The following CDK11B variants were observed in gnomAD, a reference collection of about 807,000 sequenced individuals.
CDK11B encodes cyclin dependent kinase 11B, also known as cyclin-dependent kinase 11B.
Under a neutral mutation model 84.0 loss-of-function variants are expected in CDK11B, and 37 were observed. That is an observed-to-expected ratio of 0.44 (90% CI 0.34 to 0.58). The LOEUF (loss-of-function observed/expected upper bound fraction) is 0.58, where lower values mean the gene tolerates loss of function less well. Among genes scored for constraint, CDK11B ranks in the 20% least tolerant of loss-of-function variants. CDK11B has a pLI of 0.02. For missense variants in CDK11B, 427 were observed against 834.0 expected (o/e 0.51, Z 6.01); for synonymous variants, 269 against 309.8 (o/e 0.87, Z 1.38).
chr1:1,655,244 T>A, intron 3 of CDK11B, 125 bp downstream of exon 3: 1 of 1,217,108 alleles, frequency 8.2e-7, no homozygotes, highest in Non-Finnish European at 1.1e-6. Context: ...TATGTCACAG[T>A]AACTCTAGGA....
At chr1:1,650,361 CTTTTT>C (rs1167345235) in intron 4 of CDK11B, among the ~76,000 whole-genome samples, 2 of 121,202 alleles carry the variant, frequency 1.7e-5, no homozygotes, top group Non-Finnish European at 3.4e-5. Context: ...CCTAATTTTT[CTTTTT>C]TTTCTTTTTT....
chr1:1,646,670 T>C (rs1641170129), intron 5 of CDK11B: 1 of 519,444 alleles, frequency 1.9e-6, no homozygotes, highest in African/African-American at 1.9e-5. Flanking sequence ...AACTTGAAGG[T>C]CTTCCTTTAG....
At chr1:1,640,213 C>T in intron 11 of CDK11B, 64 bp downstream of exon 11, 4 of 1,579,688 alleles carry the variant, frequency 2.5e-6, no homozygotes, top group Non-Finnish European at 2.6e-6. Flanking sequence ...AGGCTTCGCT[C>T]AGCCCCTGTG....
chr1:1,637,292 T>C, intron 14 of CDK11B, 90 bp from the exon 15 acceptor site: 1 of 1,572,750 alleles, frequency 6.4e-7, no homozygotes, highest in Admixed American at 1.9e-5. Flanking sequence ...CAACAGAGGC[T>C]TCTCAGGGCT....
rs773980595 is a variant in CDK11B at position 1,655,363 on chromosome 1, G to A, written c.227+6C>T. Reference sequence around the variant, plus strand: ...CTGGGTCTTGCACATCTGTACATCCGCTCACCTGTCTTCCATAGAGTCTTC... The same window carrying A: ...CTGGGTCTTGCACATCTGTACATCCACTCACCTGTCTTCCATAGAGTCTTC... On this transcript the variant is annotated splice_donor_region_variant and intron_variant, in intron 3 of 19. Coordinates refer to ENST00000341832, the MANE Select transcript of CDK11B (RefSeq NM_033486.3). 5.0e-6 allele frequency: 8 copies of A among 1,612,806 alleles called. No individual in the cohort carries two copies. Among genetic ancestry groups the A allele is most frequent in the African/African-American group, 1.3e-5 (1 of 75,010 alleles).
At chr1:1,638,761 G>A (rs1165056446) in intron 11 of CDK11B, among the ~76,000 whole-genome samples, 171 bp from the exon 12 acceptor site, 1 of 152,244 alleles carries the variant, frequency 6.6e-6, no homozygotes, top group Non-Finnish European at 1.5e-5. Context: ...CTCTTTCCTT[G>A]CAAAACCATC....
At chr1:1,656,751 C>CA (rs1330232960) in intron 2 of CDK11B, among the ~76,000 whole-genome samples, 2 of 150,206 alleles carry the variant, frequency 1.3e-5, no homozygotes, top group South Asian at 2.1e-4. Context: ...GTCTCAAAAA[C>CA]AAAAAAAAAG....
In CDK11B at chr1:1,651,603, G is replaced by A. The variant is rs1420946099; in HGVS notation, c.355+836C>T. Among the ~76,000 whole-genome samples, 4 of 134,214 alleles carry A rather than the reference G, an allele frequency of 3.0e-5. No individual in the cohort carries two copies. The Admixed American group carries it at 3.0e-4, about 10-fold the overall frequency. 88.0% of individuals were successfully genotyped at this position (134,214 alleles called of 152,430 possible). A position where few individuals can be genotyped will look rare whatever the true frequency, so the allele number is the denominator to read the frequency against. On this transcript the variant is annotated intron_variant, in intron 4 of 19. Coordinates refer to ENST00000341832, the MANE Select transcript of CDK11B (RefSeq NM_033486.3). ...TTTGCTCTCTCTGGTTTTCGGTCTG[G>A]GACACATGCATGCTTTTAGCTAGAG...
At chr1:1,640,243 C>A in intron 11 of CDK11B, 34 bp downstream of exon 11, 1 of 1,609,398 alleles carries the variant, frequency 6.2e-7, no homozygotes, top group South Asian at 1.1e-5. Context: ...ACTGCCAATG[C>A]GGACAGTGGC....
chr1:1,636,775 CAT>C lies in CDK11B; in HGVS notation c.1822_1823del (p.Met608ValfsTer37). 6.2e-7 allele frequency: 1 copy of C among 1,613,934 alleles called. No homozygotes were observed. The highest frequency in any genetic ancestry group is 8.5e-7 in the Non-Finnish European group (1 of 1,179,868). On this transcript the variant is annotated frameshift_variant, in exon 17 of 20. Transcript: ENST00000341832. LOFTEE classifies it high-confidence loss of function. ...CCCCGAAGATGCAACCCACTGACCA[CAT>C]GTCCACGGCCGTGGAGTATTCCTAA... ...GAKEYSTAVD[M>X]WSVGCIFGEL...
At chr1:1,652,652 A>C in intron 3 of CDK11B, 86 bp from the exon 4 acceptor site, 1 of 994,222 alleles carries the variant, frequency 1.0e-6, no homozygotes, top group Non-Finnish European at 1.4e-6. Flanking sequence ...CAACCCAGAA[A>C]AATGCATGAT....
intron 1 of CDK11B, among the ~76,000 whole-genome samples, chr1:1,658,401 G>A (rs1414416793): frequency 6.7e-6 from 1 of 149,908 alleles, no homozygotes; most frequent in Non-Finnish European, 1.5e-5. Context: ...ATGGTCTTGG[G>A]TAACGTAATT....
At chr1:1,636,545 G>C in intron 17 of CDK11B, 64 bp from the exon 18 acceptor site, 1 of 1,577,344 alleles carries the variant, frequency 6.3e-7, no homozygotes, top group Non-Finnish European at 8.6e-7. Flanking sequence ...CCTGTGTCCC[G>C]TCAGAGAAGA....
chr1:1,655,227 G>T, intron 3 of CDK11B, 142 bp downstream of exon 3: 1 of 1,076,386 alleles, frequency 9.3e-7, no homozygotes, highest in Non-Finnish European at 1.3e-6. Context: ...AACCTCAATA[G>T]TTACGCTATG....
At chr1:1,650,905 G>C (rs1290664057) in intron 4 of CDK11B, among the ~76,000 whole-genome samples, 103 of 152,202 alleles carry the variant, frequency 6.8e-4, no homozygotes, top group Non-Finnish European at 1.2e-3. Flanking sequence ...TGCTATCACA[G>C]AAGAGCAGAA....
intron 1 of CDK11B, among the ~76,000 whole-genome samples, chr1:1,658,502 TAACTC>T (rs1452078156): frequency 3.1e-4 from 46 of 147,164 alleles, no homozygotes; most frequent in African/African-American, 9.8e-4. Flanking sequence ...TAAAGGCTCT[TAACTC>T]AGGACCTGCC....
chr1:1,652,926 T>C (rs1642197780), intron 3 of CDK11B, among the ~76,000 whole-genome samples: 1 of 152,192 alleles, frequency 6.6e-6, no homozygotes, highest in Non-Finnish European at 1.5e-5. Context: ...GGTTTTACCA[T>C]GTTAGCCAGG....
Position 1,652,369 on chromosome 1 carries a change from G to C in CDK11B, c.355+70C>G, listed in dbSNP as rs1241632397. Reference sequence around the variant, plus strand: ...GGTTTTTCAGTGGTGCTCTGGGGAAGGCAGAAGAGTAGGAACAGGAAAGAA... The same window carrying C: ...GGTTTTTCAGTGGTGCTCTGGGGAACGCAGAAGAGTAGGAACAGGAAAGAA... On this transcript the variant is annotated intron_variant, in intron 4 of 19. Transcript: ENST00000341832. 2.9e-5 allele frequency: 37 copies of C among 1,277,890 alleles called. No homozygotes were observed. The South Asian group carries it at 6.3e-4, about 22-fold the overall frequency. 79.2% of individuals were successfully genotyped at this position (1,277,890 alleles called of 1,614,324 possible).
At chr1:1,649,433 A>G in intron 5 of CDK11B, 66 bp downstream of exon 5, 1 of 1,239,176 alleles carries the variant, frequency 8.1e-7, no homozygotes, top group East Asian at 2.3e-5. Flanking sequence ...ATTCTTCTTC[A>G]TTTCTAGGAT....
Sources: gnomAD v4.1 joint callset for allele counts (sites outside exome capture counted in the v4.1 genomes callset) on GRCh38, gnomAD v4.1.1 for gene constraint, MANE v1.5 for transcripts, NCBI Gene and HGNC (gene_info 2026-07-23, HGNC 2026-07-21) for gene names.